Variants in GDF11 observed in about 807,000 individuals in gnomAD.
GDF11 encodes growth/differentiation factor 11.
Under a neutral mutation model 34.4 loss-of-function variants are expected in GDF11, and 12 were observed. The ratio of observed to expected loss-of-function variants is 0.35; its 90% CI spans 0.22 to 0.57. The LOEUF is 0.57. GDF11 is among the 20% of genes least tolerant of loss of function. The probability of loss-of-function intolerance (pLI) is 0.86; values close to 1 mark genes in which losing one functional copy is unlikely to be tolerated. For missense variants in GDF11, 346 were observed against 548.2 expected, an observed-to-expected ratio of 0.63 and a Z score of 3.68; for synonymous variants, 212 against 231.1, an observed-to-expected ratio of 0.92 and a Z score of 0.75.
In GDF11 at chr12:55,748,927, G is replaced by T; in HGVS notation, c.787G>T (p.Asp263Tyr). The change falls in exon 2 of 3, where the codon GAT becomes TAT. Residue 263 changes from aspartate to tyrosine, a missense_variant. Asp to Tyr is a radical substitution (Grantham distance 160). Coordinates refer to ENST00000257868, the MANE Select transcript of GDF11 (RefSeq NM_005811.5). The surrounding 1 kb of genome is among the most constrained non-coding windows in gnomAD (Gnocchi z 5.6). ...SNWGIEINAFDPSGTDLAVTS... is the reference protein window; with the variant it reads ...SNWGIEINAFYPSGTDLAVTS... The stretch of plus-strand genomic sequence containing the variant: ...CTGGGGCATCGAGATCAACGCCTTT[G>T]ATCCCAGTGGCACAGACCTGGCTGT... 6.2e-7 allele frequency: 1 copy of T among 1,603,982 alleles called. No homozygotes were observed.
intron 1 of GDF11, among the ~76,000 whole-genome samples, chr12:55,745,981 T>TG (rs1197230481): frequency 3.2e-5 from 4 of 123,832 alleles, no homozygotes; most frequent in Admixed American, 7.7e-5. Flanking sequence ...TGTGTGTGTT[T>TG]GGGGGGGTTA....
At chr12:55,746,394 G>A (rs1460810127) in intron 1 of GDF11, among the ~76,000 whole-genome samples, 1 of 152,132 alleles carries the variant, frequency 6.6e-6, no homozygotes, top group South Asian at 2.1e-4. Context: ...ATTATCCCCT[G>A]CATCTTTCCA....
At chr12:55,743,860 GAA>G (rs1878120757) in intron 1 of GDF11, 99 bp downstream of exon 1, 20 of 1,017,826 alleles carry the variant, frequency 2.0e-5, no homozygotes, top group Non-Finnish European at 2.6e-5. Context: ...CCCCGGCCCG[GAA>G]GCTTTTTCTG....
Position 55,752,534 on chromosome 12 carries a change from TATG to T in GDF11, c.*2656_*2658del, listed in dbSNP as rs2136169953. 1 of 152,346 alleles carries T rather than the reference TATG, an allele frequency of 6.6e-6. No individual in the cohort carries two copies. 9.4% of individuals were successfully genotyped at this position (152,346 alleles called of 1,614,324 possible). On this transcript the variant is annotated 3_prime_UTR_variant, in exon 3 of 3. Transcript: ENST00000257868. ...TGGGAGTTAGCACCCCCTCCCACCTTATGATGTGTGTGGACCTGGCCAGTGCCC... is the reference window on the plus strand; with the variant it reads ...TGGGAGTTAGCACCCCCTCCCACCTTATGTGTGTGGACCTGGCCAGTGCCC...
intron 1 of GDF11, among the ~76,000 whole-genome samples, chr12:55,747,578 A>T (rs1878211766): frequency 6.6e-6 from 1 of 152,174 alleles, no homozygotes; most frequent in South Asian, 2.1e-4. Flanking sequence ...ATGTTGTAGG[A>T]CACTCCCAAC....
chr12:55,749,958 T>C lies in GDF11; in HGVS notation c.*76T>C, dbSNP rs1261462098. On this transcript the variant is annotated 3_prime_UTR_variant, in exon 3 of 3. Coordinates refer to ENST00000257868, the MANE Select transcript of GDF11 (RefSeq NM_005811.5). The surrounding 1 kb of genome is among the most constrained non-coding windows in gnomAD (Gnocchi z 5.6). ...GCCCTGCCCCCATCCCCCCAAGCCC[T>C]AGAGCTCCCTCCACTCTTCCCGCGA... 1 of 1,252,696 alleles carries C rather than the reference T, an allele frequency of 8.0e-7. No individual in the cohort carries two copies. Among genetic ancestry groups the C allele is most frequent in the Non-Finnish European group, 1.1e-6 (1 of 891,872 alleles). 77.6% of individuals were successfully genotyped at this position (1,252,696 alleles called of 1,614,324 possible).
chr12:55,752,333 G>A lies in GDF11; in HGVS notation c.*2451G>A, dbSNP rs1878347432. On this transcript the variant is annotated 3_prime_UTR_variant, in exon 3 of 3. Transcript: ENST00000257868. ...AAATATGGGGGACACTTAGAATACA[G>A]CTCCTTAAATACCACCAAATAAAGA... 1 of 134,514 alleles carries A rather than the reference G, an allele frequency of 7.4e-6. No homozygotes were observed. Among genetic ancestry groups the A allele is most frequent in the East Asian group, 2.5e-4 (1 of 4,064 alleles). The allele number at this position is 134,514 out of a possible 1,614,324, so 8.3% of individuals were successfully genotyped here.
Position 55,752,412 on chromosome 12 carries a change from C to T in GDF11, c.*2530C>T, listed in dbSNP as rs534148195. 1 of 150,528 alleles carries T rather than the reference C, an allele frequency of 6.6e-6. No individual in the cohort carries two copies. The highest frequency in any genetic ancestry group is 1.5e-5 in the Non-Finnish European group (1 of 67,862). 9.3% of individuals were successfully genotyped at this position (150,528 alleles called of 1,614,324 possible). ...GGGGCAGGGGTCTTTCTCTTATGAA[C>T]ATAAATCTGTGAGCTGAAGTCTCAT... is the stretch of plus-strand genomic sequence containing the variant. On this transcript the variant is annotated 3_prime_UTR_variant, in exon 3 of 3. Transcript: ENST00000257868.
Position 55,749,017 on chromosome 12 carries a change from A to G in GDF11, c.843+34A>G. ...GGGGCCTGAGGTGGTGGATATGTGT[A>G]ACCTGGCCCTGAGGAGATAGGGTTA... is the stretch of plus-strand genomic sequence containing the variant. On this transcript the variant is annotated intron_variant, in intron 2 of 2. Transcript: ENST00000257868. This position sits in a 1 kb window ranked among gnomAD's most constrained non-coding sequence, Gnocchi z 5.6. 1 of 1,563,384 alleles carries G rather than the reference A, an allele frequency of 6.4e-7. No individual in the cohort carries two copies. Among genetic ancestry groups the G allele is most frequent in the Non-Finnish European group, 8.6e-7 (1 of 1,161,016 alleles).
Position 55,752,457 on chromosome 12 carries a change from C to T in GDF11, c.*2575C>T, listed in dbSNP as rs1343789522. ...TCTCATTCCCCTGTTCCTCCCTACC[C>T]CCAAAGAGGCACAGAGTGAAGGGAC... is the stretch of plus-strand genomic sequence containing the variant. On this transcript the variant is annotated 3_prime_UTR_variant, in exon 3 of 3. Transcript: ENST00000257868. The T allele has an allele frequency of 1.3e-5, 2 of 152,110 alleles. No homozygotes were observed. The highest frequency in any genetic ancestry group is 2.9e-5 in the Non-Finnish European group (2 of 68,032). 9.4% of individuals were successfully genotyped at this position (152,110 alleles called of 1,614,324 possible). A position where few individuals can be genotyped will look rare whatever the true frequency, so the allele number is the denominator to read the frequency against.
chr12:55,745,432 C>T (rs1327217894), intron 1 of GDF11, among the ~76,000 whole-genome samples: 2 of 151,762 alleles, frequency 1.3e-5, no homozygotes, highest in African/African-American at 4.8e-5. Flanking sequence ...AGGCCTGGGT[C>T]GGTGGGAAGG....
rs1441452568 is a variant in GDF11 at position 55,750,903 on chromosome 12, G to C, written c.*1021G>C. ...TATGCCCAAATTCCCTCAGCCAAGA[G>C]AGAGACCAAAGAGCCTCTGGAATGG... On this transcript the variant is annotated 3_prime_UTR_variant, in exon 3 of 3. Coordinates refer to ENST00000257868, the MANE Select transcript of GDF11 (RefSeq NM_005811.5). The C allele has an allele frequency of 6.6e-6, 1 of 152,174 alleles. No individual in the cohort carries two copies. Among genetic ancestry groups the C allele is most frequent in the Non-Finnish European group, 1.5e-5 (1 of 68,080 alleles). The allele number at this position is 152,174 out of a possible 1,614,324, so 9.4% of individuals were successfully genotyped here.
chr12:55,749,603 A>C lies in GDF11; in HGVS notation c.945A>C (p.Arg315=), dbSNP rs562921698. 1 of 1,614,104 alleles carries C rather than the reference A, an allele frequency of 6.2e-7. No individual in the cohort carries two copies. The part of the protein sequence containing the change: ...DEHSSESRCC[R]YPLTVDFEAF... ...ACTCAAGCGAGTCCCGCTGCTGCCG[A>C]TATCCCCTCACAGTGGACTTTGAGG... Residue 315 remains arginine (R), a synonymous_variant, in exon 3 of 3, where the codon CGA becomes CGC. Coordinates refer to ENST00000257868, the MANE Select transcript of GDF11 (RefSeq NM_005811.5). The surrounding 1 kb of genome is among the most constrained non-coding windows in gnomAD (Gnocchi z 5.6).
Position 55,749,012 on chromosome 12 carries a change from T to A in GDF11, c.843+29T>A. 1.3e-6 allele frequency: 2 copies of A among 1,570,194 alleles called. No individual in the cohort carries two copies. The highest frequency in any genetic ancestry group is 1.7e-6 in the Non-Finnish European group (2 of 1,164,694). On this transcript the variant is annotated intron_variant, in intron 2 of 2. Transcript: ENST00000257868. The surrounding 1 kb of genome is among the most constrained non-coding windows in gnomAD (Gnocchi z 5.6). ...AGCAGGGGGCCTGAGGTGGTGGATA[T>A]GTGTAACCTGGCCCTGAGGAGATAG... is the stretch of plus-strand genomic sequence containing the variant.
In GDF11 at chr12:55,752,380, T is replaced by TGGGGG. The variant is rs11394408; in HGVS notation, c.*2504_*2508dup. On this transcript the variant is annotated 3_prime_UTR_variant, in exon 3 of 3. Coordinates refer to ENST00000257868, the MANE Select transcript of GDF11 (RefSeq NM_005811.5). ...AAGACCTTTGTGTGTGTGTGGTGGGTGGGGGGGGGGCAGGGGTCTTTCTCT... is the reference window on the plus strand; with the variant it reads ...AAGACCTTTGTGTGTGTGTGGTGGGTGGGGGGGGGGGGGGGCAGGGGTCTTTCTCT... The TGGGGG allele has an allele frequency of 2.0e-5, 1 of 50,528 alleles. No individual in the cohort carries two copies. The highest frequency in any genetic ancestry group is 2.0e-4 in the Admixed American group (1 of 5,126). The allele number at this position is 50,528 out of a possible 1,614,324, so 3.1% of individuals were successfully genotyped here. A position where few individuals can be genotyped will look rare whatever the true frequency, so the allele number is the denominator to read the frequency against.
At position 55,748,686 on chromosome 12, in the gene GDF11, G is replaced by C; in HGVS notation, c.546G>C (p.Val182=). 6.2e-7 allele frequency: 1 copy of C among 1,614,244 alleles called. No individual in the cohort carries two copies. Among genetic ancestry groups the C allele is most frequent in the Non-Finnish European group, 8.5e-7 (1 of 1,180,044 alleles). ...AGGTACTGAAGGCCCAGCTGTGGGT[G>C]TACCTACGGCCTGTACCCCGCCCAG... The part of the protein sequence containing the change: ...FTKVLKAQLW[V]YLRPVPRPAT... Residue 182 remains valine (V), a synonymous_variant, in exon 2 of 3, where the codon GTG becomes GTC. Coordinates refer to ENST00000257868, the MANE Select transcript of GDF11 (RefSeq NM_005811.5). The surrounding 1 kb of genome is among the most constrained non-coding windows in gnomAD (Gnocchi z 5.6).
chr12:55,749,521 G>C lies in GDF11; in HGVS notation c.863G>C (p.Arg288Pro). The change falls in exon 3 of 3, where the codon CGA (arginine) becomes CCA (proline). Residue 288 changes from arginine (R) to proline (P), a missense_variant. By Grantham distance (103) the Arg-to-Pro change is moderately radical (BLOSUM62 -2). Transcript: ENST00000257868. The surrounding 1 kb of genome is among the most constrained non-coding windows in gnomAD (Gnocchi z 5.6). ...CCTCAGCATCCATTCATGGAGCTTC[G>C]AGTCCTAGAGAACACAAAACGTTCC... ...AEGLHPFMEL[R>P]VLENTKRSRR... 6.2e-7 allele frequency: 1 copy of C among 1,608,816 alleles called. No individual in the cohort carries two copies. The highest frequency in any genetic ancestry group is 8.5e-7 in the Non-Finnish European group (1 of 1,175,962).
rs1878466621 is a variant in GDF11 at position 55,755,168 on chromosome 12, C to T, written c.*5286C>T. ...ATAAGAGAACAGCAAAAAAGTTATCCTCCCTTAAGTTCCTCCCTCACTCCT... is the reference window on the plus strand; with the variant it reads ...ATAAGAGAACAGCAAAAAAGTTATCTTCCCTTAAGTTCCTCCCTCACTCCT... On this transcript the variant is annotated 3_prime_UTR_variant, in exon 3 of 3. Coordinates refer to ENST00000257868, the MANE Select transcript of GDF11 (RefSeq NM_005811.5). The T allele has an allele frequency of 6.6e-6, 1 of 152,068 alleles. No homozygotes were observed. Among genetic ancestry groups the T allele is most frequent in the South Asian group, 2.1e-4 (1 of 4,822 alleles). The allele number at this position is 152,068 out of a possible 1,614,324, so 9.4% of individuals were successfully genotyped here.
chr12:55,745,305 C>T (rs1431894526), intron 1 of GDF11, among the ~76,000 whole-genome samples: 1 of 151,980 alleles, frequency 6.6e-6, no homozygotes, highest in East Asian at 1.9e-4. Context: ...TTCTCCTTGC[C>T]CCTAAATATC....
Sources: allele counts gnomAD v4.1 joint callset (sites outside exome capture counted in the v4.1 genomes callset), GRCh38; gene constraint gnomAD v4.1.1; non-coding constraint Gnocchi (gnomAD v3.1); transcripts MANE v1.5; gene names NCBI Gene and HGNC (gene_info 2026-07-23, HGNC 2026-07-21).